PDXK: variants seen among roughly 807,000 people sequenced by gnomAD.
PDXK encodes the protein pyridoxal kinase.
In PDXK, 15 loss-of-function variants were observed where a neutral mutation model predicts 43.2. That is an observed-to-expected ratio of 0.35 (90% confidence interval 0.23 to 0.53). PDXK has a LOEUF of 0.53. PDXK is among the 20% of genes least tolerant of loss of function. PDXK has a pLI of 0.92. For synonymous variants in PDXK, 172 were observed against 165.4 expected, an observed-to-expected ratio of 1.04 and a Z score of -0.31; for missense variants, 343 against 417.0, an observed-to-expected ratio of 0.82 and a Z score of 1.54.
intron 1 of PDXK, among the ~76,000 whole-genome samples, chr21:43,720,179 G>A (rs1301300696): frequency 1.3e-5 from 2 of 152,190 alleles, no homozygotes; most frequent in Non-Finnish European, 2.9e-5. Flanking sequence ...GTCACGCAGG[G>A]CCGAGGCAGA....
chr21:43,756,293 A>C lies in PDXK; in HGVS notation c.*230A>C. 2.5e-6 allele frequency: 1 copy of C among 401,116 alleles called. No individual in the cohort carries two copies. The allele number at this position is 401,116 out of a possible 1,614,324, so 24.8% of individuals were successfully genotyped here. ...CTGAAAACCCGGCTCCCTTCCCCACAAGGCTCCTGGGCCTCCGGGAAGACG... is the reference window on the plus strand; with the variant it reads ...CTGAAAACCCGGCTCCCTTCCCCACCAGGCTCCTGGGCCTCCGGGAAGACG... On this transcript the variant is annotated 3_prime_UTR_variant, in exon 11 of 11. Coordinates refer to ENST00000291565, the MANE Select transcript of PDXK (RefSeq NM_003681.5).
Position 43,732,631 on chromosome 21 carries a change from C to G in PDXK, c.88-1438C>G, listed in dbSNP as rs547269371. 1.3e-6 allele frequency: 1 copy of G among 783,392 alleles called. No individual in the cohort carries two copies. The highest frequency in any genetic ancestry group is 1.3e-5 in the South Asian group (1 of 74,670). 48.5% of individuals were successfully genotyped at this position (783,392 alleles called of 1,614,324 possible). A position where few individuals can be genotyped will look rare whatever the true frequency, so the allele number is the denominator to read the frequency against. On this transcript the variant is annotated intron_variant, in intron 1 of 10. Transcript: ENST00000291565. The surrounding 1 kb of genome is among the most constrained non-coding windows in gnomAD (Gnocchi z 4.1). ...GATTTGTGTCATCGTTGCTTAATATCTGTTTCTTCACAGTCGGTTAGAATT... is the reference window on the plus strand; with the variant it reads ...GATTTGTGTCATCGTTGCTTAATATGTGTTTCTTCACAGTCGGTTAGAATT...
chr21:43,737,274 C>T lies in PDXK; in HGVS notation c.142+3151C>T. ...TCCCCCAAGTGCCTGCAGAGCCCAC[C>T]TGGCGCAGGCCTCGCCGCCTCGAGG... On this transcript the variant is annotated intron_variant, in intron 2 of 10. Coordinates refer to ENST00000291565, the MANE Select transcript of PDXK (RefSeq NM_003681.5). The surrounding 1 kb of genome is among the most constrained non-coding windows in gnomAD (Gnocchi z 4.8). The T allele has an allele frequency of 2.1e-6, 3 of 1,416,540 alleles. No individual in the cohort carries two copies. Among genetic ancestry groups the T allele is most frequent in the Middle Eastern group, 2.6e-4 (1 of 3,846 alleles). The allele number at this position is 1,416,540 out of a possible 1,614,324, so 87.7% of individuals were successfully genotyped here.
At chr21:43,752,484 C>T (rs1472462487) in intron 7 of PDXK, 34 bp from the exon 8 acceptor site, 6 of 1,439,468 alleles carry the variant, frequency 4.2e-6, no homozygotes, top group East Asian at 2.5e-5. Flanking sequence ...GACATGTGAC[C>T]GGCCGTGGCT....
chr21:43,751,367 G>A (rs374070781), intron 7 of PDXK, among the ~76,000 whole-genome samples: 8 of 152,222 alleles, frequency 5.3e-5, no homozygotes, highest in Admixed American at 3.3e-4. Context: ...TGGCCAACAT[G>A]GTAAAACCCC....
intron 1 of PDXK, among the ~76,000 whole-genome samples, chr21:43,731,973 G>A (rs1300455601): frequency 6.6e-6 from 1 of 152,226 alleles, no homozygotes; most frequent in East Asian, 1.9e-4. Flanking sequence ...GGCGGGTGCT[G>A]GGAGTCTGTG....
At chr21:43,750,358 C>T in intron 6 of PDXK, 142 bp from the exon 7 acceptor site, 1 of 698,162 alleles carries the variant, frequency 1.4e-6, no homozygotes, top group East Asian at 2.8e-5. Context: ...GGGCCCCGGC[C>T]CAGGGTGGCC....
rs779096523 is a variant in PDXK, at chr21:43,754,507, G to A, written c.759+788G>A. Reference sequence around the variant, plus strand: ...GGTGGTTTTGTCAGCTGAGTCCGAGGACGCCTGGAGTGTGTCTTCTTACAA... The same window carrying A: ...GGTGGTTTTGTCAGCTGAGTCCGAGAACGCCTGGAGTGTGTCTTCTTACAA... On this transcript the variant is annotated intron_variant, in intron 9 of 10. Coordinates refer to ENST00000291565, the MANE Select transcript of PDXK (RefSeq NM_003681.5). This position sits in a 1 kb window ranked among gnomAD's most constrained non-coding sequence, Gnocchi z 5.5. Among the ~76,000 whole-genome samples the A allele has an allele frequency of 6.6e-6, 1 of 152,146 alleles. No homozygotes were observed. Among genetic ancestry groups the A allele is most frequent in the Non-Finnish European group, 1.5e-5 (1 of 68,014 alleles).
At position 43,737,127 on chromosome 21, in the gene PDXK, C is replaced by T. The variant is rs1383224703; in HGVS notation, c.142+3004C>T. ...CCCAGGGTTGTTACTGGGGTGGTCA[C>T]GTGGGCAGCTTCTGCCTGGGATGGG... is the stretch of plus-strand genomic sequence containing the variant. On this transcript the variant is annotated intron_variant, in intron 2 of 10. Coordinates refer to ENST00000291565, the MANE Select transcript of PDXK (RefSeq NM_003681.5). The surrounding 1 kb of genome is among the most constrained non-coding windows in gnomAD (Gnocchi z 4.8). 3.2e-6 allele frequency: 4 copies of T among 1,261,782 alleles called. No individual in the cohort carries two copies. The highest frequency in any genetic ancestry group is 2.5e-5 in the East Asian group (1 of 39,236). The allele number at this position is 1,261,782 out of a possible 1,614,324, so 78.2% of individuals were successfully genotyped here.
chr21:43,736,914 G>A lies in PDXK; in HGVS notation c.142+2791G>A, dbSNP rs901787283. On this transcript the variant is annotated intron_variant, in intron 2 of 10. Coordinates refer to ENST00000291565, the MANE Select transcript of PDXK (RefSeq NM_003681.5). ...CTCCCAAAGTGCTGGGATTACAGGTGTGAGACTCCACGCCCAGTCTTTTCT... is the reference window on the plus strand; with the variant it reads ...CTCCCAAAGTGCTGGGATTACAGGTATGAGACTCCACGCCCAGTCTTTTCT... 5 of 700,064 alleles carry A rather than the reference G, an allele frequency of 7.1e-6. No individual in the cohort carries two copies. In the African/African-American group the frequency reaches 8.7e-5, roughly 12 times the overall value. 43.4% of individuals were successfully genotyped at this position (700,064 alleles called of 1,614,324 possible).
At position 43,737,754 on chromosome 21, in the gene PDXK, G is replaced by A. The variant is rs545123039; in HGVS notation, c.142+3631G>A. On this transcript the variant is annotated intron_variant, in intron 2 of 10. Coordinates refer to ENST00000291565, the MANE Select transcript of PDXK (RefSeq NM_003681.5). This position sits in a 1 kb window ranked among gnomAD's most constrained non-coding sequence, Gnocchi z 4.8. ...GGACACCAGCGAGGGGCCAGGCCGG[G>A]CCAGACTCCCTGGCCGGCTGGGATC... The A allele has an allele frequency of 5.1e-6, 5 of 975,952 alleles. No homozygotes were observed. The highest frequency in any genetic ancestry group is 5.3e-4 in the Middle Eastern group (1 of 1,890). 60.5% of individuals were successfully genotyped at this position (975,952 alleles called of 1,614,324 possible).
At chr21:43,755,449 T>C in intron 9 of PDXK, 1 of 551,360 alleles carries the variant, frequency 1.8e-6, no homozygotes. Context: ...GGCTGTCCCT[T>C]CTGTGAGCCA....
rs897524812 is a variant in PDXK at position 43,734,270 on chromosome 21, C to G, written c.142+147C>G. On this transcript the variant is annotated intron_variant, in intron 2 of 10. Coordinates refer to ENST00000291565, the MANE Select transcript of PDXK (RefSeq NM_003681.5). The surrounding 1 kb of genome is among the most constrained non-coding windows in gnomAD (Gnocchi z 5.0). ...GGGACCTGGAGTCCTGGGCGTCGCTCGGGCAGAGCCTGCACAGCATATCAG... is the reference window on the plus strand; with the variant it reads ...GGGACCTGGAGTCCTGGGCGTCGCTGGGGCAGAGCCTGCACAGCATATCAG... The G allele has an allele frequency of 8.1e-6, 6 of 744,282 alleles. No homozygotes were observed. The African/African-American group carries it at 8.6e-5, about 11-fold the overall frequency. 46.1% of individuals were successfully genotyped at this position (744,282 alleles called of 1,614,324 possible).
chr21:43,728,604 C>A (rs1448772601), intron 1 of PDXK: 1 of 519,890 alleles, frequency 1.9e-6, no homozygotes, highest in African/African-American at 2.1e-5. Flanking sequence ...TGGCTGTCTG[C>A]CTGTCTGCCT....
Position 43,737,329 on chromosome 21 carries a change from G to A in PDXK, c.142+3206G>A, listed in dbSNP as rs922936046. The A allele has an allele frequency of 2.3e-5, 31 of 1,350,912 alleles. No homozygotes were observed. In the East Asian group the frequency reaches 6.2e-4, roughly 27 times the overall value. The allele number at this position is 1,350,912 out of a possible 1,614,324, so 83.7% of individuals were successfully genotyped here. On this transcript the variant is annotated intron_variant, in intron 2 of 10. Coordinates refer to ENST00000291565, the MANE Select transcript of PDXK (RefSeq NM_003681.5). The surrounding 1 kb of genome is among the most constrained non-coding windows in gnomAD (Gnocchi z 4.8). ...TGCTCGCACTTCTGCCCCTTCCCCC[G>A]GCCAGGCCCCCGTTCCTTGAGGCCG... is the stretch of plus-strand genomic sequence containing the variant.
At position 43,758,430 on chromosome 21, in the gene PDXK, G is replaced by A. The variant is rs1449687335; in HGVS notation, c.*2367G>A. 1 of 153,390 alleles carries A rather than the reference G, an allele frequency of 6.5e-6. No homozygotes were observed. Among genetic ancestry groups the A allele is most frequent in the Non-Finnish European group, 1.5e-5 (1 of 68,082 alleles). The allele number at this position is 153,390 out of a possible 1,614,324, so 9.5% of individuals were successfully genotyped here. A position where few individuals can be genotyped will look rare whatever the true frequency, so the allele number is the denominator to read the frequency against. The stretch of plus-strand genomic sequence containing the variant: ...GTGCCTTTGTGGGTGCAGGGCTTTT[G>A]TGGAAATTGTCAGCCTCTACGGGCA... On this transcript the variant is annotated 3_prime_UTR_variant, in exon 11 of 11. Transcript: ENST00000291565.
chr21:43,730,441 G>T (rs1030181202), intron 1 of PDXK, among the ~76,000 whole-genome samples: 2 of 152,060 alleles, frequency 1.3e-5, no homozygotes, highest in South Asian at 2.1e-4. Context: ...ATCTGATTTA[G>T]AGTATGTACT....
At chr21:43,751,529 A>G (rs1191730241) in intron 7 of PDXK, among the ~76,000 whole-genome samples, 10 of 152,252 alleles carry the variant, frequency 6.6e-5, no homozygotes, top group Non-Finnish European at 1.5e-5. Flanking sequence ...AGCCTGGGCA[A>G]CAGAGTGAGC....
intron 5 of PDXK, among the ~76,000 whole-genome samples, chr21:43,747,989 G>T (rs2083667487): frequency 6.6e-6 from 1 of 152,214 alleles, no homozygotes; most frequent in Admixed American, 6.5e-5. Flanking sequence ...CGGCCGGCGT[G>T]TGACCACTTT....
Sources: allele counts gnomAD v4.1 joint callset (sites outside exome capture counted in the v4.1 genomes callset), GRCh38; gene constraint gnomAD v4.1.1; non-coding constraint Gnocchi (gnomAD v3.1); transcripts MANE v1.5; gene names NCBI Gene and HGNC (gene_info 2026-07-23, HGNC 2026-07-21).